The following ATP8B4 variants were observed in gnomAD, a reference collection of about 807,000 sequenced individuals.
The protein encoded by ATP8B4 is ATPase phospholipid transporting 8B4 (putative), also known as probable phospholipid-transporting ATPase IM.
A neutral mutation model predicts 145.6 loss-of-function variants in ATP8B4; 133 were observed. The observed-to-expected ratio is 0.91, with a 90% CI of 0.79 to 1.05. The LOEUF (loss-of-function observed/expected upper bound fraction) is 1.05. ATP8B4 is among the 50% of genes least tolerant of loss of function. The pLI is 0.00. For missense variants in ATP8B4, 1,458 were observed against 1,425.2 expected, an observed-to-expected ratio of 1.02 and a Z score of -0.37; for synonymous variants, 507 against 492.9, an observed-to-expected ratio of 1.03 and a Z score of -0.38.
At chr15:50,177,957 T>A (rs2044788448) in intron 1 of ATP8B4, among the ~76,000 whole-genome samples, 1 of 152,010 alleles carries the variant, frequency 6.6e-6, no homozygotes, top group African/African-American at 2.4e-5. Context: ...GTAGGGAAGG[T>A]CTGGGACTGC....
At chr15:49,996,470 A>C (rs542291156) in intron 9 of ATP8B4, among the ~76,000 whole-genome samples, 19 of 152,246 alleles carry the variant, frequency 1.2e-4, no homozygotes, top group African/African-American at 4.6e-4. Context: ...ACAAGCATGA[A>C]ATGAACGATA....
At chr15:49,914,952 A>C (rs2039586870) in intron 20 of ATP8B4, among the ~76,000 whole-genome samples, 1 of 152,164 alleles carries the variant, frequency 6.6e-6, no homozygotes, top group Non-Finnish European at 1.5e-5. Flanking sequence ...CAATCCCAGT[A>C]CTGGGTATTT....
chr15:50,031,068 G>C (rs1262405158), intron 6 of ATP8B4, among the ~76,000 whole-genome samples: 1 of 152,078 alleles, frequency 6.6e-6, no homozygotes, highest in African/African-American at 2.4e-5. Context: ...CTTATTGAAG[G>C]CAAAATTGTT....
At chr15:50,024,000 T>C (rs1053082780) in intron 6 of ATP8B4, among the ~76,000 whole-genome samples, 2 of 152,144 alleles carry the variant, frequency 1.3e-5, no homozygotes, top group African/African-American at 2.4e-5. Flanking sequence ...TTATTCTTAC[T>C]GGAAAATTAG....
chr15:50,177,091 C>A (rs1549520), intron 1 of ATP8B4, among the ~76,000 whole-genome samples: 34,819 of 152,060 alleles, frequency 0.23, 4,543 homozygotes, highest in East Asian at 0.47. Flanking sequence ...CTTATGGCAA[C>A]AACAGTCAGA....
intron 16 of ATP8B4, among the ~76,000 whole-genome samples, chr15:49,929,855 G>A (rs962455132): frequency 6.6e-6 from 1 of 152,010 alleles, no homozygotes; most frequent in African/African-American, 2.4e-5. Flanking sequence ...CCATTGGACT[G>A]GGAAGTTACA....
chr15:49,864,445 G>A (rs1295663969), intron 26 of ATP8B4, among the ~76,000 whole-genome samples: 4 of 152,124 alleles, frequency 2.6e-5, no homozygotes, highest in South Asian at 2.1e-4. Context: ...TGGTCACTGC[G>A]CATCTCTCTT....
chr15:49,924,343 G>T (rs1567001086), intron 16 of ATP8B4, among the ~76,000 whole-genome samples: 1 of 152,066 alleles, frequency 6.6e-6, no homozygotes, highest in Non-Finnish European at 1.5e-5. Context: ...GACATGGCTG[G>T]GTATTTCTTC....
intron 1 of ATP8B4, among the ~76,000 whole-genome samples, chr15:50,124,809 T>C (rs969590838): frequency 6.6e-6 from 1 of 152,186 alleles, no homozygotes; most frequent in Non-Finnish European, 1.5e-5. Flanking sequence ...GATTTGCATT[T>C]AATTTGCCCT....
intron 1 of ATP8B4, among the ~76,000 whole-genome samples, chr15:50,174,499 A>G (rs564538387): frequency 2.5e-4 from 38 of 151,872 alleles, no homozygotes; most frequent in African/African-American, 8.7e-4. Context: ...ACATACCAAC[A>G]ACGACCAAGC....
intron 3 of ATP8B4, among the ~76,000 whole-genome samples, chr15:50,062,900 A>G (rs1404622169): frequency 6.6e-6 from 1 of 152,152 alleles, no homozygotes; most frequent in Non-Finnish European, 1.5e-5. Context: ...CTTTCTTAGG[A>G]CAATGGCGTT....
At chr15:50,014,256 G>T (rs1237175152) in intron 6 of ATP8B4, among the ~76,000 whole-genome samples, 1 of 152,024 alleles carries the variant, frequency 6.6e-6, no homozygotes, top group Non-Finnish European at 1.5e-5. Flanking sequence ...CCCTGAGCTT[G>T]GTTTCTTCTT....
intron 1 of ATP8B4, among the ~76,000 whole-genome samples, chr15:50,159,377 G>T (rs897815756): frequency 6.6e-6 from 1 of 152,182 alleles, no homozygotes; most frequent in African/African-American, 2.4e-5. Flanking sequence ...TTGTTTATCA[G>T]TTCTAATCGT....
Position 49,987,476 on chromosome 15 carries a change from CT to C in ATP8B4, c.662del (p.Lys221SerfsTer9), listed in dbSNP as rs757807390. 25 of 1,613,698 alleles carry C rather than the reference CT, an allele frequency of 1.5e-5. No individual in the cohort carries two copies. In the East Asian group the frequency reaches 4.7e-4, roughly 30 times the overall value. On this transcript the variant is annotated frameshift_variant, in exon 10 of 28. Coordinates refer to ENST00000284509, the MANE Select transcript of ATP8B4 (RefSeq NM_024837.4). LOFTEE classifies it high-confidence loss of function. ...TTATCTTCTCATTGTTGAGGGAATGCTTGCTGTCTTTCCAAGAAAGGATTCC... is the reference window on the plus strand; with the variant it reads ...TTATCTTCTCATTGTTGAGGGAATGCTGCTGTCTTTCCAAGAAAGGATTCC... ...FMGILSWKDS[K>X]HSLNNEKIIL...
chr15:50,122,687 C>T (rs896243248), upstream of ATP8B4, among the ~76,000 whole-genome samples: 8 of 152,066 alleles, frequency 5.3e-5, no homozygotes, highest in Non-Finnish European at 4.4e-5. Flanking sequence ...GAAAGAAAAT[C>T]AGAACAAAGT....
At chr15:49,968,016 G>A (rs918617114) in intron 13 of ATP8B4, among the ~76,000 whole-genome samples, 2 of 152,158 alleles carry the variant, frequency 1.3e-5, no homozygotes, top group South Asian at 2.1e-4. Flanking sequence ...TTCATATCCA[G>A]CCAAACTAAG....
At chr15:50,108,029 G>C (rs1386201899) in intron 1 of ATP8B4, among the ~76,000 whole-genome samples, 2 of 152,080 alleles carry the variant, frequency 1.3e-5, no homozygotes, top group African/African-American at 2.4e-5. Context: ...CTAGGGGCCA[G>C]GTTACTAAAA....
At chr15:49,919,666 C>A (rs1384424028) in intron 18 of ATP8B4, among the ~76,000 whole-genome samples, 1 of 152,146 alleles carries the variant, frequency 6.6e-6, no homozygotes, top group East Asian at 1.9e-4. Flanking sequence ...ATCCGCCCAC[C>A]TCGGCCTCCT....
Position 49,866,447 on chromosome 15 carries a change from T to C in ATP8B4, c.3065A>G (p.His1022Arg), listed in dbSNP as rs2032801023. ...LDTSYWTFINHVFIWGSIAIY... is the reference protein window; with the variant it reads ...LDTSYWTFINRVFIWGSIAIY... ...GGCAATGCTCCCCCAGATGAAGACG[T>C]GATTAATGAAAGTCCAGTAACTGGT... Residue 1022 changes from histidine (H) to arginine (R), a missense_variant, in exon 26 of 28, where the codon CAC (histidine) becomes CGC (arginine). By Grantham distance (29) the His-to-Arg change is conservative. Coordinates refer to ENST00000284509, the MANE Select transcript of ATP8B4 (RefSeq NM_024837.4). 4 of 1,613,648 alleles carry C rather than the reference T, an allele frequency of 2.5e-6. No individual in the cohort carries two copies. Among genetic ancestry groups the C allele is most frequent in the East Asian group, 4.5e-5 (2 of 44,864 alleles).
Sources: allele counts gnomAD v4.1 joint callset (sites outside exome capture counted in the v4.1 genomes callset), GRCh38; gene constraint gnomAD v4.1.1; transcripts MANE v1.5; gene names NCBI Gene and HGNC (gene_info 2026-07-23, HGNC 2026-07-21).